Variants in EFCAB6 observed in about 807,000 individuals in gnomAD.
EFCAB6 encodes EF-hand calcium-binding domain-containing protein 6.
Under a neutral mutation model 169.8 loss-of-function variants are expected in EFCAB6, and 156 were observed. The observed-to-expected ratio is 0.92, with a 90% CI of 0.81 to 1.05. The LOEUF is 1.05. Ranked by LOEUF, EFCAB6 falls within the 50% of genes least tolerant of loss-of-function variation. The probability of loss-of-function intolerance (pLI) is 0.00; values close to 1 mark genes in which losing one functional copy is unlikely to be tolerated. For synonymous variants in EFCAB6, 698 were observed against 676.4 expected (o/e 1.03, Z -0.50); for missense variants, 1,800 against 1,829.1 (o/e 0.98, Z 0.29).
At chr22:43,761,065 T>C (rs935276924) in intron 5 of EFCAB6, among the ~76,000 whole-genome samples, 6 of 152,236 alleles carry the variant, frequency 3.9e-5, no homozygotes, top group African/African-American at 1.4e-4. Flanking sequence ...ATTACAGGCG[T>C]AAGCCACTGC....
At chr22:43,559,729 G>A (rs2048915890) in intron 26 of EFCAB6, among the ~76,000 whole-genome samples, 1 of 152,136 alleles carries the variant, frequency 6.6e-6, no homozygotes, top group African/African-American at 2.4e-5. Context: ...GGATAAAGCT[G>A]GAAGCTATAA....
intron 17 of EFCAB6, among the ~76,000 whole-genome samples, chr22:43,662,112 C>T (rs1334615392): frequency 3.3e-5 from 5 of 150,816 alleles, no homozygotes; most frequent in African/African-American, 7.3e-5. Flanking sequence ...GAGCCGAGAT[C>T]GCGCCACTGC....
In EFCAB6 at chr22:43,628,241, C is replaced by T. The variant is rs1444072136; in HGVS notation, c.2233-1562G>A. Among the ~76,000 whole-genome samples the T allele has an allele frequency of 2.0e-5, 3 of 152,156 alleles. No individual in the cohort carries two copies. The highest frequency in any genetic ancestry group is 7.2e-5 in the African/African-American group (3 of 41,420). On this transcript the variant is annotated intron_variant, in intron 19 of 31. Transcript: ENST00000262726. This position sits in a 1 kb window ranked among gnomAD's most constrained non-coding sequence, Gnocchi z 4.8. ...TCTCAGTAAGTGGAGCTCTTTCCTC[C>T]TGGTTGCTCAGACACAAACCTGGGA...
At chr22:43,549,395 A>C (rs984747735) in intron 27 of EFCAB6, among the ~76,000 whole-genome samples, 2 of 152,224 alleles carry the variant, frequency 1.3e-5, no homozygotes, top group African/African-American at 4.8e-5. Flanking sequence ...AAAAGATAAC[A>C]GTACACTATT....
At chr22:43,666,762 T>G (rs2057280070) in intron 17 of EFCAB6, among the ~76,000 whole-genome samples, 1 of 136,914 alleles carries the variant, frequency 7.3e-6, no homozygotes, top group Non-Finnish European at 1.5e-5. Flanking sequence ...AACTCTCCAC[T>G]GGCAGGCAGG....
intron 20 of EFCAB6, among the ~76,000 whole-genome samples, chr22:43,624,725 C>T (rs1338055163): frequency 2.6e-5 from 4 of 152,170 alleles, no homozygotes; most frequent in Non-Finnish European, 2.9e-5. Context: ...ACCCTGAGCC[C>T]CTCAAAAGGA....
Position 43,786,442 on chromosome 22 carries a change from C to G in EFCAB6, c.-7-4117G>C, listed in dbSNP as rs117039789. 2.6e-3 allele frequency among the ~76,000 whole-genome samples: 398 copies of G among 152,240 alleles called. 6 individuals carry two copies. In the East Asian group the frequency reaches 0.04, roughly 15 times the overall value. On this transcript the variant is annotated intron_variant, in intron 2 of 31. Transcript: ENST00000262726. ...AAGACATTAGAAAAAAAGAAAGTGGCCGGGCACAGTGGCTCACGCCTGTAA... is the reference window on the plus strand; with the variant it reads ...AAGACATTAGAAAAAAAGAAAGTGGGCGGGCACAGTGGCTCACGCCTGTAA...
At chr22:43,786,391 A>T (rs1312436294) in intron 2 of EFCAB6, among the ~76,000 whole-genome samples, 1 of 152,116 alleles carries the variant, frequency 6.6e-6, no homozygotes, top group Non-Finnish European at 1.5e-5. Context: ...CTATGACGCC[A>T]GTATTACCCT....
chr22:43,727,009 C>T (rs1039129333), intron 8 of EFCAB6, among the ~76,000 whole-genome samples: 7 of 152,146 alleles, frequency 4.6e-5, no homozygotes, highest in Non-Finnish European at 1.5e-5. Context: ...CTGTGATTCA[C>T]ATTCAAGAAG....
At chr22:43,680,951 AT>A (rs1413708919) in intron 12 of EFCAB6, among the ~76,000 whole-genome samples, 2 of 152,030 alleles carry the variant, frequency 1.3e-5, no homozygotes, top group African/African-American at 4.8e-5. Context: ...GATGCCTTTT[AT>A]TTCTTTTTCT....
chr22:43,769,806 C>T (rs1327050802), intron 4 of EFCAB6, among the ~76,000 whole-genome samples: 2 of 151,300 alleles, frequency 1.3e-5, no homozygotes, highest in African/African-American at 4.9e-5. Context: ...AGTGCATTAG[C>T]GTGATCGTGG....
intron 5 of EFCAB6, among the ~76,000 whole-genome samples, chr22:43,761,804 T>C (rs980333528): frequency 6.6e-6 from 1 of 152,228 alleles, no homozygotes; most frequent in Non-Finnish European, 1.5e-5. Flanking sequence ...AGTTTCATAT[T>C]TCAAGTGTTT....
At chr22:43,656,572 C>G (rs2056754593) in intron 17 of EFCAB6, among the ~76,000 whole-genome samples, 1 of 152,060 alleles carries the variant, frequency 6.6e-6, no homozygotes, top group South Asian at 2.1e-4. Context: ...TGTTCTGTAC[C>G]TTTTCTATGT....
intron 17 of EFCAB6, among the ~76,000 whole-genome samples, chr22:43,664,805 C>T (rs1352611524): frequency 6.6e-6 from 1 of 152,102 alleles, no homozygotes; most frequent in Non-Finnish European, 1.5e-5. Flanking sequence ...AGGCCAGGCT[C>T]AGGCCCTGGT....
chr22:43,628,512 G>A lies in EFCAB6; in HGVS notation c.2233-1833C>T, dbSNP rs966740941. Among the ~76,000 whole-genome samples, 2 of 152,142 alleles carry A rather than the reference G, an allele frequency of 1.3e-5. No homozygotes were observed. The highest frequency in any genetic ancestry group is 4.8e-5 in the African/African-American group (2 of 41,428). The stretch of plus-strand genomic sequence containing the variant: ...CCCTTACAGCTGACGTCATGCATGA[G>A]GCGCCTCTGCTCAACCCCCTTGACT... On this transcript the variant is annotated intron_variant, in intron 19 of 31. Coordinates refer to ENST00000262726, the MANE Select transcript of EFCAB6 (RefSeq NM_022785.4). This position sits in a 1 kb window ranked among gnomAD's most constrained non-coding sequence, Gnocchi z 4.8.
intron 26 of EFCAB6, among the ~76,000 whole-genome samples, chr22:43,574,027 T>G (rs1284175277): frequency 6.6e-6 from 1 of 152,200 alleles, no homozygotes; most frequent in Non-Finnish European, 1.5e-5. Context: ...TTCCTATCCC[T>G]TGACTCCAGT....
chr22:43,605,640 CA>C (rs879914405), intron 22 of EFCAB6, among the ~76,000 whole-genome samples: 56 of 143,480 alleles, frequency 3.9e-4, no homozygotes, highest in Middle Eastern at 3.6e-3. Flanking sequence ...GAGACTCTGT[CA>C]AAAAAAAAAA....
chr22:43,563,599 C>T (rs1267928933), intron 26 of EFCAB6, among the ~76,000 whole-genome samples: 1 of 152,214 alleles, frequency 6.6e-6, no homozygotes, highest in East Asian at 1.9e-4. Context: ...AACCAGCCAC[C>T]TCAACGGCAG....
At chr22:43,780,979 T>C (rs1328748732) in intron 3 of EFCAB6, among the ~76,000 whole-genome samples, 3 of 152,230 alleles carry the variant, frequency 2.0e-5, no homozygotes, top group African/African-American at 4.8e-5. Flanking sequence ...TTACGGCATT[T>C]GGCTCACGCT....
Sources: gnomAD v4.1 joint callset for allele counts (sites outside exome capture counted in the v4.1 genomes callset) on GRCh38, gnomAD v4.1.1 for gene constraint, Gnocchi (gnomAD v3.1) non-coding constraint, MANE v1.5 for transcripts, NCBI Gene and HGNC (gene_info 2026-07-23, HGNC 2026-07-21) for gene names.